The following NSD1 variants were observed in gnomAD, a reference collection of about 807,000 sequenced individuals.
NSD1 encodes the protein histone-lysine N-methyltransferase, H3 lysine-36 specific.
NSD1 carries 26 observed loss-of-function variants against 242.7 expected under a neutral mutation model. That is an observed-to-expected ratio of 0.11 (90% CI 0.08 to 0.15). The LOEUF is 0.15. NSD1 is among the 10% of genes least tolerant of loss of function. The pLI is 1.00. For synonymous variants in NSD1, 1,106 were observed against 1,178.1 expected, an observed-to-expected ratio of 0.94 and a Z score of 1.25; for missense variants, 2,495 against 3,272.8, an observed-to-expected ratio of 0.76 and a Z score of 5.80.
At chr5:177,178,289 G>A (rs1760372310) in intron 2 of NSD1, among the ~76,000 whole-genome samples, 1 of 151,478 alleles carries the variant, frequency 6.6e-6, no homozygotes, top group African/African-American at 2.4e-5. Flanking sequence ...TGCAATGGCG[G>A]GATCTCGGCT....
At chr5:177,143,528 G>A (rs971708752) in intron 2 of NSD1, among the ~76,000 whole-genome samples, 1 of 151,924 alleles carries the variant, frequency 6.6e-6, no homozygotes, top group Non-Finnish European at 1.5e-5. Flanking sequence ...CACCACGTTG[G>A]TTAAGCTGGT....
intron 2 of NSD1, among the ~76,000 whole-genome samples, chr5:177,155,942 T>G (rs1258285284): frequency 6.6e-6 from 1 of 151,724 alleles, no homozygotes; most frequent in Non-Finnish European, 1.5e-5. Context: ...TGACCTCAGG[T>G]GATATGCCCG....
At chr5:177,183,017 T>C (rs1016198423) in intron 2 of NSD1, among the ~76,000 whole-genome samples, 2 of 152,200 alleles carry the variant, frequency 1.3e-5, no homozygotes, top group Non-Finnish European at 2.9e-5. Context: ...GCCCGAGCAG[T>C]CTTCCTGCCT....
Position 177,138,079 on chromosome 5 carries a change from AAAAAAAAC to A in NSD1, c.927+2052_927+2059del, listed in dbSNP as rs1416776397. Among the ~76,000 whole-genome samples, 12 of 145,972 alleles carry A rather than the reference AAAAAAAAC, an allele frequency of 8.2e-5. No homozygotes were observed. The South Asian group carries it at 2.3e-3, about 27-fold the overall frequency. On this transcript the variant is annotated intron_variant, in intron 2 of 22. Coordinates refer to ENST00000439151, the MANE Select transcript of NSD1 (RefSeq NM_022455.5). ...AATAAGAGTGAAACTCTGTCTCAAA[AAAAAAAAC>A]AACAAAAAAACAAACAAACAAACAA...
chr5:177,210,169 A>G lies in NSD1; in HGVS notation c.1770A>G (p.Leu590=), dbSNP rs398124373. 9 of 1,609,940 alleles carry G rather than the reference A, an allele frequency of 5.6e-6. No individual in the cohort carries two copies. The highest frequency in any genetic ancestry group is 4.0e-5 in the African/African-American group (3 of 74,718). ...KEFETSNGDS[L]LGLPEGALIS... ...TTGAGACTTCAAATGGTGACTCTTT[A>G]TTGGGCTTGCCTGAGGGTGCTTTGA... The change falls in exon 5 of 23, where the codon TTA becomes TTG. Residue 590 remains leucine (L), a synonymous_variant. Transcript: ENST00000439151.
At chr5:177,137,452 A>C (rs1756433136) in intron 2 of NSD1, 1 of 152,118 alleles carries the variant, frequency 6.6e-6, no homozygotes, top group Non-Finnish European at 1.5e-5. Flanking sequence ...TGGGTGTGTC[A>C]CTTTTGTTTC....
chr5:177,225,206 G>A (rs1764541562), intron 5 of NSD1, among the ~76,000 whole-genome samples: 1 of 151,084 alleles, frequency 6.6e-6, no homozygotes. Context: ...TCAGTGGTGT[G>A]ATCTCGGCTC....
At position 177,134,919 on chromosome 5, in the gene NSD1, A is replaced by C. The variant is rs1756183564; in HGVS notation, c.-17-168A>C. Among the ~76,000 whole-genome samples the C allele has an allele frequency of 2.0e-5, 3 of 152,170 alleles. No individual in the cohort carries two copies. In the South Asian group the frequency reaches 6.2e-4, roughly 31 times the overall value. On this transcript the variant is annotated intron_variant, in intron 1 of 22. Transcript: ENST00000439151. This position sits in a 1 kb window ranked among gnomAD's most constrained non-coding sequence, Gnocchi z 4.2. ...AGCTTCGGGAAAATGGAGTTTTCAG[A>C]GGCTCATCGAGGCCATTTTTTCATC...
At chr5:177,177,576 G>C (rs1760311979) in intron 2 of NSD1, among the ~76,000 whole-genome samples, 1 of 152,008 alleles carries the variant, frequency 6.6e-6, no homozygotes, top group Non-Finnish European at 1.5e-5. Context: ...CTTGAGCCTG[G>C]GAGGTTGAGG....
In NSD1 at chr5:177,260,029, C is replaced by T. The variant is rs146414176; in HGVS notation, c.5007C>T (p.His1669=). ...GTGTCCGCTGTCCTGTGGCATACCACGCCAATGACTTTTGCCTGGCTGCTG... is the reference window on the plus strand; with the variant it reads ...GTGTCCGCTGTCCTGTGGCATACCATGCCAATGACTTTTGCCTGGCTGCTG... ...MRCVRCPVAY[H]ANDFCLAAGS... is the part of the protein sequence containing the mutation. The change falls in exon 14 of 23, where the codon CAC becomes CAT. Residue 1669 remains histidine, a synonymous_variant. Coordinates refer to ENST00000439151, the MANE Select transcript of NSD1 (RefSeq NM_022455.5). 6.3e-5 allele frequency: 101 copies of T among 1,614,050 alleles called. No homozygotes were observed. Among genetic ancestry groups the T allele is most frequent in the Middle Eastern group, 3.3e-4 (2 of 6,084 alleles).
chr5:177,136,081 G>A (rs1191749329), intron 2 of NSD1, 51 bp downstream of exon 2: 1 of 1,453,476 alleles, frequency 6.9e-7, no homozygotes, highest in Admixed American at 1.7e-5. Context: ...TATATATACA[G>A]GCCACTTAAA....
chr5:177,267,861 A>G (rs1338536316), intron 15 of NSD1, 143 bp downstream of exon 15: 2 of 809,338 alleles, frequency 2.5e-6, no homozygotes, highest in African/African-American at 3.4e-5. Context: ...TTTTCCTTAT[A>G]GGAAGAGAAA....
chr5:177,280,160 G>A (rs1179408366), intron 17 of NSD1, among the ~76,000 whole-genome samples: 1 of 149,208 alleles, frequency 6.7e-6, no homozygotes, highest in Non-Finnish European at 1.5e-5. Flanking sequence ...TGTATTTTTA[G>A]TAGAGACGGG....
At position 177,134,484 on chromosome 5, in the gene NSD1, C is replaced by A. The variant is rs1463079722; in HGVS notation, c.-18+532C>A. Among the ~76,000 whole-genome samples the A allele has an allele frequency of 1.3e-5, 2 of 152,152 alleles. No homozygotes were observed. The highest frequency in any genetic ancestry group is 2.9e-5 in the Non-Finnish European group (2 of 68,006). On this transcript the variant is annotated intron_variant, in intron 1 of 22. Transcript: ENST00000439151. This position sits in a 1 kb window ranked among gnomAD's most constrained non-coding sequence, Gnocchi z 4.2. ...GGTTTCTCCCTCTGCCGGGTCCAGG[C>A]CTCTTCGCCCTGCAGCTGCGGATCC...
rs1011375930 is a variant in NSD1 at position 177,296,952 on chromosome 5, T to G, written c.*1493T>G. The G allele has an allele frequency of 8.6e-6, 2 of 233,196 alleles. No homozygotes were observed. The highest frequency in any genetic ancestry group is 4.4e-5 in the African/African-American group (2 of 45,324). The allele number at this position is 233,196 out of a possible 1,614,324, so 14.4% of individuals were successfully genotyped here. ...GCCCTAACGTCTCCTGGCCATTATC[T>G]CTTAGTTATGGCTTTCACGCTCTCA... On this transcript the variant is annotated 3_prime_UTR_variant, in exon 23 of 23. Transcript: ENST00000439151.
At position 177,269,800 on chromosome 5, in the gene NSD1, T is replaced by C. The variant is rs369086894; in HGVS notation, c.5502T>C (p.Tyr1834=). The change falls in exon 16 of 23, where the codon TAT becomes TAC. Residue 1834 remains tyrosine (Y), a synonymous_variant. Transcript: ENST00000439151. The surrounding 1 kb of genome is among the most constrained non-coding windows in gnomAD (Gnocchi z 5.1). Reference sequence around the variant, plus strand: ...TGGGCAAAGGAGTGGATGGGACATATAAAAAAGGTAACTTTATCCTTTTTG... The same window carrying C: ...TGGGCAAAGGAGTGGATGGGACATACAAAAAAGGTAACTTTATCCTTTTTG... ...DKMGKGVDGT[Y]KKALQEAAAR... The C allele has an allele frequency of 1.1e-5, 18 of 1,610,178 alleles. No individual in the cohort carries two copies. The highest frequency in any genetic ancestry group is 1.4e-5 in the Non-Finnish European group (17 of 1,177,848).
intron 2 of NSD1, among the ~76,000 whole-genome samples, chr5:177,151,493 A>G (rs1037378316): frequency 6.6e-6 from 1 of 151,900 alleles, no homozygotes; most frequent in African/African-American, 2.4e-5. Context: ...GGTTCAAGCG[A>G]TTCACCTACC....
chr5:177,236,998 G>A (rs1030827777), intron 6 of NSD1, among the ~76,000 whole-genome samples: 4 of 152,066 alleles, frequency 2.6e-5, no homozygotes, highest in African/African-American at 9.7e-5. Flanking sequence ...TACCACACCT[G>A]GCTAATTTTT....
chr5:177,278,417 G>A (rs1160345554), intron 17 of NSD1, among the ~76,000 whole-genome samples: 1 of 152,138 alleles, frequency 6.6e-6, no homozygotes, highest in Non-Finnish European at 1.5e-5. Context: ...GCCTCCTCCT[G>A]TTAAATGTTG....
Sources: gnomAD v4.1 joint callset for allele counts (sites outside exome capture counted in the v4.1 genomes callset) on GRCh38, gnomAD v4.1.1 for gene constraint, Gnocchi (gnomAD v3.1) non-coding constraint, MANE v1.5 for transcripts, NCBI Gene and HGNC (gene_info 2026-07-23, HGNC 2026-07-21) for gene names.